Variants in MSR1 observed in about 807,000 individuals in gnomAD.
The protein encoded by MSR1 is macrophage scavenger receptor types I and II.
In MSR1, 53 loss-of-function variants were observed where a neutral mutation model predicts 47.2. The ratio of observed to expected loss-of-function variants is 1.12; its 90% confidence interval spans 0.90 to 1.41. MSR1 has a LOEUF of 1.41. MSR1 is among the 40% of genes most tolerant of loss of function. The probability of loss-of-function intolerance (pLI) is 0.00; values close to 1 mark genes in which losing one functional copy is unlikely to be tolerated. For synonymous variants in MSR1, 239 were observed against 185.6 expected, an observed-to-expected ratio of 1.29 and a Z score of -2.34; for missense variants, 786 against 546.9, an observed-to-expected ratio of 1.44 and a Z score of -4.36.
chr8:16,126,369 G>T (rs942116970), intron 8 of MSR1, among the ~76,000 whole-genome samples: 1 of 152,000 alleles, frequency 6.6e-6, no homozygotes, highest in Non-Finnish European at 1.5e-5. Context: ...TCATAGTCAT[G>T]ATTTCCTTTT....
chr8:16,148,726 C>CT (rs111883935), intron 7 of MSR1, among the ~76,000 whole-genome samples: 6,176 of 152,194 alleles, frequency 0.041, 446 homozygotes, highest in African/African-American at 0.14. Flanking sequence ...TCCAAAAGTG[C>CT]TACGATTACA....
chr8:16,167,161 TA>T (rs1238909484), intron 4 of MSR1, among the ~76,000 whole-genome samples: 1 of 151,982 alleles, frequency 6.6e-6, no homozygotes, highest in East Asian at 1.9e-4. Context: ...TCGTTTCCAT[TA>T]ATTATCACTT....
At chr8:16,185,844 A>AG (rs1347391585) in intron 1 of MSR1, among the ~76,000 whole-genome samples, 1 of 145,736 alleles carries the variant, frequency 6.9e-6, no homozygotes, top group East Asian at 2.4e-4. Context: ...ACCTTTTTTC[A>AG]GGAAAAAAAA....
Position 16,160,857 on chromosome 8 carries a change from T to C in MSR1, c.817+3208A>G, listed in dbSNP as rs993204064. 5.3e-5 allele frequency among the ~76,000 whole-genome samples: 8 copies of C among 151,876 alleles called. No individual in the cohort carries two copies. In the East Asian group the frequency reaches 7.8e-4, roughly 15 times the overall value. ...AGGCAGAAGGATGACAGAGGGAAGA[T>C]TGAGAAAATTAGGGCAGAGAAGTAG... On this transcript the variant is annotated intron_variant, in intron 5 of 9. Coordinates refer to ENST00000262101, the MANE Select transcript of MSR1 (RefSeq NM_138715.3).
intron 8 of MSR1, among the ~76,000 whole-genome samples, chr8:16,121,864 G>C (rs2117065197): frequency 6.6e-6 from 1 of 151,890 alleles, no homozygotes; most frequent in East Asian, 1.9e-4. Context: ...TCTCCAGTTT[G>C]AATTCATTTT....
At chr8:16,121,533 C>G (rs1359308727) in intron 8 of MSR1, among the ~76,000 whole-genome samples, 1 of 151,904 alleles carries the variant, frequency 6.6e-6, no homozygotes, top group East Asian at 1.9e-4. Flanking sequence ...AAAAATCTCT[C>G]AACAGCCTGT....
At chr8:16,131,674 G>A (rs1477035186) in intron 8 of MSR1, among the ~76,000 whole-genome samples, 2 of 151,948 alleles carry the variant, frequency 1.3e-5, no homozygotes, top group Non-Finnish European at 2.9e-5. Context: ...TGTAAGGAAA[G>A]AGTTCAGTTT....
intron 6 of MSR1, among the ~76,000 whole-genome samples, chr8:16,151,091 T>G (rs1299212974): frequency 1.3e-5 from 2 of 152,150 alleles, no homozygotes; most frequent in South Asian, 4.1e-4. Context: ...GATAAACTAT[T>G]GTAACAGTTT....
chr8:16,189,355 T>TTTC lies in MSR1; in HGVS notation c.-5+3242_-5+3243insGAA, dbSNP rs1381137207. 3.7e-3 allele frequency among the ~76,000 whole-genome samples: 333 copies of TTTC among 90,134 alleles called. 1 individual carries two copies. The highest frequency in any genetic ancestry group is 6.4e-3 in the African/African-American group (94 of 14,656). 59.1% of individuals were successfully genotyped at this position (90,134 alleles called of 152,430 possible). ...CATATATATATAAAATCTTATTTTA[T>TTTC]ATATTTTTATATATATTTTATATAT... On this transcript the variant is annotated intron_variant, in intron 1 of 9. Coordinates refer to ENST00000262101, the MANE Select transcript of MSR1 (RefSeq NM_138715.3).
At chr8:16,144,887 G>A (rs1374426825) in intron 7 of MSR1, among the ~76,000 whole-genome samples, 1 of 151,762 alleles carries the variant, frequency 6.6e-6, no homozygotes, top group African/African-American at 2.4e-5. Flanking sequence ...TATAATTTTA[G>A]TGTTTATATT....
chr8:16,150,674 G>A (rs1282961775), intron 6 of MSR1, among the ~76,000 whole-genome samples: 3 of 152,040 alleles, frequency 2.0e-5, no homozygotes, highest in African/African-American at 7.2e-5. Flanking sequence ...TGCATAAGCT[G>A]AAAATTGAAT....
intron 8 of MSR1, among the ~76,000 whole-genome samples, chr8:16,128,745 T>G (rs972544345): frequency 4.6e-5 from 7 of 152,156 alleles, no homozygotes; most frequent in African/African-American, 1.4e-4. Flanking sequence ...ACTTGCTATG[T>G]TGTGATTTGA....
At chr8:16,128,384 A>T (rs1800177388) in intron 8 of MSR1, among the ~76,000 whole-genome samples, 1 of 152,042 alleles carries the variant, frequency 6.6e-6, no homozygotes, top group Non-Finnish European at 1.5e-5. Flanking sequence ...CAGGTGCCCT[A>T]TCGGAAGAGA....
At chr8:16,189,201 T>C in intron 1 of MSR1, among the ~76,000 whole-genome samples, 1 of 143,164 alleles carries the variant, frequency 7.0e-6, no homozygotes, top group South Asian at 2.2e-4. Flanking sequence ...TAAAACCTTA[T>C]TTTATATATA....
chr8:16,157,771 C>T (rs546434639), intron 5 of MSR1, among the ~76,000 whole-genome samples: 28 of 152,076 alleles, frequency 1.8e-4, no homozygotes, highest in African/African-American at 5.5e-4. Flanking sequence ...TTGTAGCTCA[C>T]GTCTTCACCA....
intron 8 of MSR1, among the ~76,000 whole-genome samples, chr8:16,131,665 G>A (rs1483079405): frequency 6.6e-6 from 1 of 151,850 alleles, no homozygotes; most frequent in Non-Finnish European, 1.5e-5. Context: ...TGTATATGGT[G>A]TAAGGAAAGA....
intron 8 of MSR1, among the ~76,000 whole-genome samples, chr8:16,133,459 GC>G (rs1249068810): frequency 2.0e-5 from 3 of 152,122 alleles, no homozygotes; most frequent in Non-Finnish European, 2.9e-5. Context: ...ATGAGCAAGA[GC>G]ATTGTCATGA....
At position 16,139,202 on chromosome 8, in the gene MSR1, C is replaced by T. The variant is rs1487377930; in HGVS notation, c.1033+4356G>A. 4.6e-5 allele frequency: 41 copies of T among 884,048 alleles called. No homozygotes were observed. The Admixed American group carries it at 2.2e-3, about 48-fold the overall frequency. 54.8% of individuals were successfully genotyped at this position (884,048 alleles called of 1,614,324 possible). A position where few individuals can be genotyped will look rare whatever the true frequency, so the allele number is the denominator to read the frequency against. ...TCTTTTTGCCATGACATTTATTCAG[C>T]TTCTTGCATTTTCATTTTGCTTTCA... On this transcript the variant is annotated intron_variant, in intron 8 of 9. Transcript: ENST00000262101.
chr8:16,180,825 CCTTT>C (rs1430851033), intron 1 of MSR1, among the ~76,000 whole-genome samples: 3 of 152,096 alleles, frequency 2.0e-5, no homozygotes, highest in African/African-American at 7.2e-5. Context: ...GCATATTCCT[CCTTT>C]CTGAGAGTTG....
Sources: gnomAD v4.1 joint callset for allele counts (sites outside exome capture counted in the v4.1 genomes callset) on GRCh38, gnomAD v4.1.1 for gene constraint, MANE v1.5 for transcripts, NCBI Gene and HGNC (gene_info 2026-07-23, HGNC 2026-07-21) for gene names.